The following GPC6 variants were observed in gnomAD, a reference collection of about 807,000 sequenced individuals.
GPC6 encodes glypican-6.
GPC6 carries 14 observed loss-of-function variants against 55.2 expected under a neutral mutation model. The ratio of observed to expected loss-of-function variants is 0.25; its 90% confidence interval spans 0.17 to 0.40. GPC6 has a LOEUF of 0.40. Among genes scored for constraint, GPC6 ranks in the 10% least tolerant of loss-of-function variants. GPC6 has a pLI of 1.00. For missense variants in GPC6, 641 were observed against 708.5 expected (o/e 0.90, Z 1.08); for synonymous variants, 278 against 259.6 (o/e 1.07, Z -0.68).
chr13:94,245,854 G>T (rs1891180692), intron 4 of GPC6, among the ~76,000 whole-genome samples: 1 of 152,038 alleles, frequency 6.6e-6, no homozygotes. Flanking sequence ...AGATACCTTT[G>T]TGAGGTGATT....
chr13:93,245,187 A>T (rs867281617), intron 1 of GPC6, among the ~76,000 whole-genome samples: 1 of 152,226 alleles, frequency 6.6e-6, no homozygotes, highest in Non-Finnish European at 1.5e-5. Flanking sequence ...AGCTACCAAC[A>T]GTTTAACAGC....
At chr13:93,671,618 T>C (rs1881361308) in intron 2 of GPC6, among the ~76,000 whole-genome samples, 1 of 151,704 alleles carries the variant, frequency 6.6e-6, no homozygotes, top group African/African-American at 2.4e-5. Flanking sequence ...TAGGGGTTTT[T>C]TTTGGGTTCT....
Position 93,308,242 on chromosome 13 carries a change from G to A in GPC6, c.160+80626G>A, listed in dbSNP as rs372601994. On this transcript the variant is annotated intron_variant, in intron 1 of 8. Transcript: ENST00000377047. ...AGAGCTTGCAGTGAGCCGAGATTGC[G>A]CTACTGCACTCCAGCCTGGGTGACA... Among the ~76,000 whole-genome samples the A allele has an allele frequency of 1.3e-4, 20 of 152,218 alleles. 1 individual carries two copies. The South Asian group carries it at 3.1e-3, about 24-fold the overall frequency.
chr13:93,930,344 T>A (rs1250416198), intron 3 of GPC6, among the ~76,000 whole-genome samples: 2 of 148,432 alleles, frequency 1.3e-5, no homozygotes, highest in Non-Finnish European at 3.0e-5. Context: ...CAATCTCGGC[T>A]CACTGCAGCC....
At chr13:93,866,333 A>C (rs1209558612) in intron 3 of GPC6, among the ~76,000 whole-genome samples, 3 of 151,750 alleles carry the variant, frequency 2.0e-5, no homozygotes, top group Admixed American at 2.0e-4. Context: ...TGAATCTCAG[A>C]GATATACAGA....
intron 4 of GPC6, among the ~76,000 whole-genome samples, chr13:94,279,775 G>T (rs934045664): frequency 2.0e-5 from 3 of 152,164 alleles, no homozygotes; most frequent in African/African-American, 7.2e-5. Flanking sequence ...TTAATCCTGA[G>T]TTCTAATTTG....
chr13:93,403,446 G>A (rs553802178), intron 1 of GPC6, among the ~76,000 whole-genome samples: 12 of 152,222 alleles, frequency 7.9e-5, no homozygotes, highest in East Asian at 1.9e-4. Context: ...TTTTGACCAC[G>A]GATACCGTAG....
intron 1 of GPC6, among the ~76,000 whole-genome samples, chr13:93,401,002 G>A (rs1876050473): frequency 6.6e-6 from 1 of 152,106 alleles, no homozygotes; most frequent in Admixed American, 6.6e-5. Flanking sequence ...TTGAAAGAAT[G>A]CTCTCATACA....
chr13:94,241,952 G>T (rs562639204), intron 4 of GPC6, among the ~76,000 whole-genome samples: 71 of 151,578 alleles, frequency 4.7e-4, no homozygotes, highest in African/African-American at 1.6e-3. Flanking sequence ...AAGTTTTAGG[G>T]TACATGTGCA....
chr13:93,609,745 G>A (rs1385855728), intron 2 of GPC6, among the ~76,000 whole-genome samples: 3 of 152,010 alleles, frequency 2.0e-5, no homozygotes, highest in Non-Finnish European at 4.4e-5. Flanking sequence ...ATTTCACTTG[G>A]CTGTCATGGA....
intron 2 of GPC6, among the ~76,000 whole-genome samples, chr13:93,553,826 T>TA (rs1332607536): frequency 1.3e-5 from 2 of 150,170 alleles, no homozygotes; most frequent in Non-Finnish European, 3.0e-5. Flanking sequence ...ATTTCCATAA[T>TA]AAAGAGATTA....
intron 6 of GPC6, among the ~76,000 whole-genome samples, chr13:94,320,953 G>A (rs1180248701): frequency 6.6e-6 from 1 of 152,174 alleles, no homozygotes; most frequent in African/African-American, 2.4e-5. Context: ...TACACATGCA[G>A]GTTTGTTATA....
intron 4 of GPC6, among the ~76,000 whole-genome samples, chr13:94,081,751 A>G (rs1188299299): frequency 1.3e-5 from 2 of 152,066 alleles, no homozygotes; most frequent in South Asian, 2.1e-4. Context: ...CAGGCACTGT[A>G]CAGTAAATGG....
chr13:93,571,506 A>G (rs542848802), intron 2 of GPC6, among the ~76,000 whole-genome samples: 57 of 152,282 alleles, frequency 3.7e-4, no homozygotes, highest in African/African-American at 1.3e-3. Flanking sequence ...TAACTTCAGA[A>G]ATCCATTTAC....
chr13:93,306,908 C>T (rs1451614788), intron 1 of GPC6, among the ~76,000 whole-genome samples: 1 of 152,004 alleles, frequency 6.6e-6, no homozygotes, highest in African/African-American at 2.4e-5. Context: ...ACTCTCGGTT[C>T]CAATAGGGTA....
At chr13:94,304,369 C>T (rs1348720364) in intron 5 of GPC6, among the ~76,000 whole-genome samples, 2 of 152,174 alleles carry the variant, frequency 1.3e-5, no homozygotes, top group African/African-American at 4.8e-5. Flanking sequence ...GTGAATGGCA[C>T]TCAGGAGCTC....
intron 1 of GPC6, among the ~76,000 whole-genome samples, chr13:93,393,125 TATAGAG>T (rs759844650): frequency 0.17 from 15,870 of 95,898 alleles, 812 homozygotes; most frequent in Non-Finnish European, 0.25. Flanking sequence ...TATATATATA[TATAGAG>T]AGAGAGAGAG....
chr13:94,078,847 AC>A (rs1485727987), intron 4 of GPC6, among the ~76,000 whole-genome samples: 1 of 151,952 alleles, frequency 6.6e-6, no homozygotes, highest in Non-Finnish European at 1.5e-5. Context: ...TCCTTCTCAA[AC>A]CCTTTTAAAA....
intron 4 of GPC6, among the ~76,000 whole-genome samples, chr13:94,223,266 A>G (rs530210803): frequency 3.9e-5 from 6 of 152,290 alleles, no homozygotes; most frequent in African/African-American, 1.4e-4. Flanking sequence ...TAAAAACATT[A>G]TAGATACTCC....
Sources: gnomAD v4.1 joint callset for allele counts (sites outside exome capture counted in the v4.1 genomes callset) on GRCh38, gnomAD v4.1.1 for gene constraint, MANE v1.5 for transcripts, NCBI Gene and HGNC (gene_info 2026-07-23, HGNC 2026-07-21) for gene names.